NOL4L: variants seen among roughly 807,000 people sequenced by gnomAD.
NOL4L encodes nucleolar protein 4 like.
In NOL4L, 7 loss-of-function variants were observed where a neutral mutation model predicts 64.5. The observed-to-expected ratio is 0.11, with a 90% CI of 0.06 to 0.20. The LOEUF (loss-of-function observed/expected upper bound fraction) is 0.20. Among genes scored for constraint, NOL4L ranks in the 10% least tolerant of loss-of-function variants. NOL4L has a pLI of 1.00. For missense variants in NOL4L, 680 were observed against 967.1 expected (o/e 0.70, Z 3.94); for synonymous variants, 413 against 401.0 (o/e 1.03, Z -0.36).
At chr20:32,569,128 G>C (rs1025009194) in intron 1 of NOL4L, among the ~76,000 whole-genome samples, 1 of 152,138 alleles carries the variant, frequency 6.6e-6, no homozygotes, top group African/African-American at 2.4e-5. Flanking sequence ...CAAAGTTAGT[G>C]TAAGGGGCTT....
chr20:32,483,444 G>T, intron 4 of NOL4L: 1 of 981,602 alleles, frequency 1.0e-6, no homozygotes, highest in Non-Finnish European at 1.2e-6. Context: ...CACAGCTCCA[G>T]CTGCTGCTGC....
chr20:32,499,249 T>C (rs900874536), intron 4 of NOL4L, among the ~76,000 whole-genome samples: 1 of 152,282 alleles, frequency 6.6e-6, no homozygotes, highest in Admixed American at 6.5e-5. Context: ...AATGCTGTGC[T>C]GTCCATGTTT....
At chr20:32,565,393 A>G (rs1463808680) in intron 1 of NOL4L, among the ~76,000 whole-genome samples, 1 of 152,074 alleles carries the variant, frequency 6.6e-6, no homozygotes, top group Non-Finnish European at 1.5e-5. Flanking sequence ...GCCTTACAAA[A>G]CCTGGTCGGG....
intron 4 of NOL4L, chr20:32,485,879 T>C: frequency 2.4e-6 from 1 of 412,508 alleles, no homozygotes; most frequent in Non-Finnish European, 5.1e-6. Context: ...CATCTGAGCT[T>C]GAAATATAAA....
intron 1 of NOL4L, among the ~76,000 whole-genome samples, chr20:32,567,358 G>T (rs1979492149): frequency 6.6e-6 from 1 of 152,172 alleles, no homozygotes; most frequent in Non-Finnish European, 1.5e-5. Flanking sequence ...AACGGGATCT[G>T]CCCCAGACAC....
intron 1 of NOL4L, chr20:32,533,390 T>TG (rs1249302883): frequency 1.3e-5 from 2 of 152,212 alleles, no homozygotes; most frequent in African/African-American, 4.8e-5. Flanking sequence ...TCTGATGTGC[T>TG]GGGGGTTTTA....
intron 4 of NOL4L, among the ~76,000 whole-genome samples, chr20:32,490,140 A>ATAT (rs1568651217): frequency 4.8e-5 from 7 of 144,508 alleles, no homozygotes; most frequent in African/African-American, 1.9e-4. Context: ...AAAAAAAAAA[A>ATAT]AAAAATATAT....
At chr20:32,454,125 C>T (rs2013226178) in intron 6 of NOL4L, 3 of 219,512 alleles carry the variant, frequency 1.4e-5, no homozygotes, top group Non-Finnish European at 2.8e-5. Context: ...GGAAAGGACT[C>T]CCACCACCCG....
At chr20:32,563,305 G>C (rs1979210562) in intron 1 of NOL4L, among the ~76,000 whole-genome samples, 1 of 138,792 alleles carries the variant, frequency 7.2e-6, no homozygotes, top group Non-Finnish European at 1.6e-5. Context: ...AGGGAGGGTA[G>C]AGAACAGGGA....
intron 4 of NOL4L, among the ~76,000 whole-genome samples, chr20:32,483,177 C>T (rs1299827716): frequency 6.6e-6 from 1 of 150,722 alleles, no homozygotes; most frequent in Non-Finnish European, 1.5e-5. Flanking sequence ...GCAGCCGCTC[C>T]CCCGCGCCCC....
intron 4 of NOL4L, among the ~76,000 whole-genome samples, chr20:32,509,026 T>C (rs1327069281): frequency 6.6e-6 from 1 of 152,108 alleles, no homozygotes; most frequent in African/African-American, 2.4e-5. Context: ...CAGATTCCAC[T>C]CTCAGCTGAA....
chr20:32,573,950 C>T (rs1979923848), intron 1 of NOL4L: 1 of 152,468 alleles, frequency 6.6e-6, no homozygotes, highest in South Asian at 2.1e-4. Context: ...AGCTGCCTGG[C>T]TTTGGGATCT....
chr20:32,461,419 TTC>T lies in NOL4L; in HGVS notation c.842-5026_842-5025del, dbSNP rs1485556039. The stretch of plus-strand genomic sequence containing the variant: ...GCACACTGACCCCTCTACCTTTCTT[TTC>T]TTTTTTTTTTTTTTTTTTTGAGACG... On this transcript the variant is annotated intron_variant, in intron 5 of 10. Coordinates refer to ENST00000621426, the MANE Select transcript of NOL4L (RefSeq NM_001256798.2). 4.2e-3 allele frequency among the ~76,000 whole-genome samples: 412 copies of T among 97,760 alleles called. 13 individuals carry two copies. Among genetic ancestry groups the T allele is most frequent in the African/African-American group, 0.019 (201 of 10,634 alleles). The allele number at this position is 97,760 out of a possible 152,430, so 64.1% of individuals were successfully genotyped here. A position where few individuals can be genotyped will look rare whatever the true frequency, so the allele number is the denominator to read the frequency against.
In NOL4L at chr20:32,455,163, C is replaced by T. The variant is rs1029676523; in HGVS notation, c.1119+955G>A. On this transcript the variant is annotated intron_variant, in intron 6 of 10. Transcript: ENST00000621426. ...AAACTAAGATAGGAGCTGCTGGTGGCGTTCCTGCTCTCATCTCACTTCCCT... is the reference window on the plus strand; with the variant it reads ...AAACTAAGATAGGAGCTGCTGGTGGTGTTCCTGCTCTCATCTCACTTCCCT... 2.6e-5 allele frequency among the ~76,000 whole-genome samples: 4 copies of T among 152,242 alleles called. No individual in the cohort carries two copies. In the South Asian group the frequency reaches 6.2e-4, roughly 24 times the overall value.
chr20:32,526,500 A>AT (rs1225881534), intron 2 of NOL4L, among the ~76,000 whole-genome samples: 1 of 146,258 alleles, frequency 6.8e-6, no homozygotes, highest in Non-Finnish European at 1.5e-5. Context: ...GGATGGTTGC[A>AT]TTAAAAAAAA....
At chr20:32,524,219 G>A (rs969339642) in intron 2 of NOL4L, among the ~76,000 whole-genome samples, 1 of 152,192 alleles carries the variant, frequency 6.6e-6, no homozygotes, top group Non-Finnish European at 1.5e-5. Context: ...TGTAGAACCA[G>A]CTGGAGCCTT....
intron 1 of NOL4L, among the ~76,000 whole-genome samples, chr20:32,548,280 T>G (rs2018757216): frequency 6.6e-6 from 1 of 152,200 alleles, no homozygotes; most frequent in African/African-American, 2.4e-5. Context: ...ATACAACAGA[T>G]GCTCATTCAA....
chr20:32,564,560 G>A (rs1264036411), intron 1 of NOL4L, among the ~76,000 whole-genome samples: 1 of 152,228 alleles, frequency 6.6e-6, no homozygotes, highest in Non-Finnish European at 1.5e-5. Context: ...AGAAGAAACT[G>A]AGGGCAGAAA....
At chr20:32,502,859 G>A (rs571809312) in intron 4 of NOL4L, among the ~76,000 whole-genome samples, 7 of 152,224 alleles carry the variant, frequency 4.6e-5, no homozygotes, top group African/African-American at 9.6e-5. Flanking sequence ...GCAACGAGCC[G>A]AGATCACATC....
Sources: gnomAD v4.1 joint callset for allele counts (sites outside exome capture counted in the v4.1 genomes callset) on GRCh38, gnomAD v4.1.1 for gene constraint, MANE v1.5 for transcripts, NCBI Gene and HGNC (gene_info 2026-07-23, HGNC 2026-07-21) for gene names.